CACNB1: variants seen among roughly 807,000 people sequenced by gnomAD.
CACNB1 encodes calcium voltage-gated channel auxiliary subunit beta 1.
A neutral mutation model predicts 71.6 loss-of-function variants in CACNB1; 29 were observed. The ratio of observed to expected loss-of-function variants is 0.40; its 90% confidence interval spans 0.30 to 0.55. The LOEUF (loss-of-function observed/expected upper bound fraction) is 0.55, where lower values mean the gene tolerates loss of function less well. Ranked by LOEUF, CACNB1 falls within the 20% of genes least tolerant of loss-of-function variation. CACNB1 has a pLI of 0.38. For synonymous variants in CACNB1, 300 were observed against 319.6 expected, an observed-to-expected ratio of 0.94 and a Z score of 0.65; for missense variants, 623 against 801.8, an observed-to-expected ratio of 0.78 and a Z score of 2.69.
At chr17:39,188,177 G>C (rs2045985629) in intron 3 of CACNB1, among the ~76,000 whole-genome samples, 2 of 152,156 alleles carry the variant, frequency 1.3e-5, no homozygotes, top group South Asian at 4.1e-4. Flanking sequence ...CAGCTACTCA[G>C]GGGGCTGAGG....
chr17:39,190,781 G>C (rs1217494212), intron 3 of CACNB1, among the ~76,000 whole-genome samples: 1 of 151,918 alleles, frequency 6.6e-6, no homozygotes, highest in East Asian at 1.9e-4. Context: ...TAGTGTTCCA[G>C]GTACCATGTT....
At chr17:39,191,856 C>T (rs2144168321) in intron 2 of CACNB1, 1 of 472,242 alleles carries the variant, frequency 2.1e-6, no homozygotes, top group Non-Finnish European at 3.7e-6. Flanking sequence ...TGCTTGGGGC[C>T]CAGGGAGGGG....
At position 39,186,831 on chromosome 17, in the gene CACNB1, C is replaced by T; in HGVS notation, c.513G>A (p.Leu171=). 6.2e-7 allele frequency: 1 copy of T among 1,614,120 alleles called. No homozygotes were observed. The highest frequency in any genetic ancestry group is 1.3e-5 in the African/African-American group (1 of 75,046). The change falls in exon 5 of 14, where the codon CTG becomes CTA. Residue 171 remains leucine, a synonymous_variant. Coordinates refer to ENST00000394303, the MANE Select transcript of CACNB1 (RefSeq NM_000723.5). The surrounding 1 kb of genome is among the most constrained non-coding windows in gnomAD (Gnocchi z 4.1). ...GGTTCTGGCGCAGCTTCTGTTCCTG[C>T]AGCAGGCGAAGGCTGTCCAGTTTGA... is the stretch of plus-strand genomic sequence containing the variant. ...SPVKLDSLRL[L]QEQKLRQNRL...
rs554235611 is a variant in CACNB1, at chr17:39,175,272, C to A, written c.1718G>T (p.Cys573Phe). 1.9e-6 allele frequency: 3 copies of A among 1,614,076 alleles called. No homozygotes were observed. Among genetic ancestry groups the A allele is most frequent in the Non-Finnish European group, 1.7e-6 (2 of 1,180,042 alleles). ...CAAAACTGGACCCCCACCCTCAGCG[C>A]AGTAGCGGGCCTTATTCCGGCCCCG... is the stretch of plus-strand genomic sequence containing the variant. ...RNRGRNKARYCAEGGGPVLGR... is the reference protein window; with the variant it reads ...RNRGRNKARYFAEGGGPVLGR... The change falls in exon 14 of 14, where the codon TGC becomes TTC. Residue 573 changes from cysteine (C) to phenylalanine (F), a missense_variant. Coordinates refer to ENST00000394303, the MANE Select transcript of CACNB1 (RefSeq NM_000723.5). This position sits in a 1 kb window ranked among gnomAD's most constrained non-coding sequence, Gnocchi z 4.7.
intron 3 of CACNB1, among the ~76,000 whole-genome samples, chr17:39,187,900 C>A (rs1044259573): frequency 8.5e-5 from 13 of 152,050 alleles, no homozygotes; most frequent in African/African-American, 2.4e-4. Context: ...ATAATCCCAG[C>A]TACTCAGGAG....
intron 2 of CACNB1, chr17:39,193,267 T>C: frequency 6.5e-6 from 2 of 305,360 alleles, no homozygotes; most frequent in South Asian, 4.9e-5. Flanking sequence ...CATGTAGGCA[T>C]GCGCACACAT....
rs941285587 is a variant in CACNB1, at chr17:39,191,402, G to A, written c.291+72C>T. On this transcript the variant is annotated intron_variant, in intron 3 of 13. Transcript: ENST00000394303. ...TGGGTCAAGACTTGGCCCTGGTTCTGTCTGGGCTCTCTCTACAGCCCAGGA... is the reference window on the plus strand; with the variant it reads ...TGGGTCAAGACTTGGCCCTGGTTCTATCTGGGCTCTCTCTACAGCCCAGGA... 1.6e-5 allele frequency: 24 copies of A among 1,472,416 alleles called. No homozygotes were observed. The African/African-American group carries it at 3.0e-4, about 18-fold the overall frequency. 91.2% of individuals were successfully genotyped at this position (1,472,416 alleles called of 1,614,324 possible).
Position 39,186,144 on chromosome 17 carries a change from G to T in CACNB1, c.628+352C>A. 6.3e-7 allele frequency: 1 copy of T among 1,583,314 alleles called. No individual in the cohort carries two copies. The highest frequency in any genetic ancestry group is 8.7e-7 in the Non-Finnish European group (1 of 1,154,224). On this transcript the variant is annotated intron_variant, in intron 6 of 13. Transcript: ENST00000394303. The surrounding 1 kb of genome is among the most constrained non-coding windows in gnomAD (Gnocchi z 4.1). ...CAGGAGAGAGGGAGGAGGGAGGCGA[G>T]GTGGGGAGAAGGAGTGAGATGAACG...
chr17:39,177,577 G>A (rs1275426025), intron 12 of CACNB1, 42 bp from the exon 13 acceptor site: 1 of 1,514,140 alleles, frequency 6.6e-7, no homozygotes, highest in African/African-American at 1.4e-5. Flanking sequence ...GATGAGTGGG[G>A]CATGGCCAAG....
chr17:39,175,172 C>A lies in CACNB1; in HGVS notation c.*21G>T. ...TCCCCTGGGCTCAGAGCCCTTCCTC[C>A]CGCCGTGTGGCCCCTGCCTCTCAGC... On this transcript the variant is annotated 3_prime_UTR_variant, in exon 14 of 14. Transcript: ENST00000394303. This position sits in a 1 kb window ranked among gnomAD's most constrained non-coding sequence, Gnocchi z 4.7. 2 of 1,582,160 alleles carry A rather than the reference C, an allele frequency of 1.3e-6. No homozygotes were observed. The highest frequency in any genetic ancestry group is 2.3e-5 in the South Asian group (2 of 87,564).
chr17:39,180,331 G>A (rs1430928359), intron 11 of CACNB1, among the ~76,000 whole-genome samples: 3 of 151,584 alleles, frequency 2.0e-5, no homozygotes, highest in Non-Finnish European at 2.9e-5. Context: ...TTGCATCATG[G>A]TTGTGTAAGA....
At chr17:39,181,555 C>T (rs1567796238) in intron 11 of CACNB1, among the ~76,000 whole-genome samples, 1 of 152,200 alleles carries the variant, frequency 6.6e-6, no homozygotes, top group Non-Finnish European at 1.5e-5. Context: ...GTCCAGGCTG[C>T]CTGGTTCCAG....
At chr17:39,192,021 G>C (rs902117056) in intron 2 of CACNB1, 2 of 214,646 alleles carry the variant, frequency 9.3e-6, no homozygotes, top group African/African-American at 4.8e-5. Flanking sequence ...ACCAGCTTCG[G>C]CCTGAGCTCT....
chr17:39,185,044 G>A (rs924251962), intron 7 of CACNB1, 87 bp downstream of exon 7: 19 of 1,249,508 alleles, frequency 1.5e-5, no homozygotes, highest in Non-Finnish European at 2.1e-5. Flanking sequence ...GGGGAAATGG[G>A]GGACAGATGT....
chr17:39,187,454 C>A, intron 4 of CACNB1, 25 bp downstream of exon 4: 1 of 1,613,234 alleles, frequency 6.2e-7, no homozygotes, highest in Non-Finnish European at 8.5e-7. Context: ...GCACCCACTT[C>A]CCTGCCCTCC....
Position 39,175,680 on chromosome 17 carries a change from ACAC to A in CACNB1, c.1333-26_1333-24del, listed in dbSNP as rs1415858157. ...TCCCTGGTTAGCAGACGGACAGCAC[ACAC>A]CATGCAGATCAGGCAGGGGTGAGAA... On this transcript the variant is annotated intron_variant, in intron 13 of 13. Transcript: ENST00000394303. The surrounding 1 kb of genome is among the most constrained non-coding windows in gnomAD (Gnocchi z 4.7). 6.0e-6 allele frequency: 9 copies of A among 1,507,928 alleles called. No homozygotes were observed. The highest frequency in any genetic ancestry group is 8.1e-6 in the Non-Finnish European group (9 of 1,117,730). The allele number at this position is 1,507,928 out of a possible 1,614,324, so 93.4% of individuals were successfully genotyped here.
intron 11 of CACNB1, 35 bp from the exon 12 acceptor site, chr17:39,178,114 G>A: frequency 6.6e-7 from 1 of 1,525,106 alleles, no homozygotes; most frequent in Non-Finnish European, 9.1e-7. Flanking sequence ...AGAGGAGCTA[G>A]AGGGACTCAG....
Position 39,175,177 on chromosome 17 carries a change from G to C in CACNB1, c.*16C>G. ...TGGGCTCAGAGCCCTTCCTCCCGCC[G>C]TGTGGCCCCTGCCTCTCAGCGAATG... On this transcript the variant is annotated 3_prime_UTR_variant, in exon 14 of 14. Coordinates refer to ENST00000394303, the MANE Select transcript of CACNB1 (RefSeq NM_000723.5). The surrounding 1 kb of genome is among the most constrained non-coding windows in gnomAD (Gnocchi z 4.7). 3 of 1,588,002 alleles carry C rather than the reference G, an allele frequency of 1.9e-6. No homozygotes were observed. Among genetic ancestry groups the C allele is most frequent in the Non-Finnish European group, 1.7e-6 (2 of 1,162,276 alleles).
intron 11 of CACNB1, among the ~76,000 whole-genome samples, chr17:39,179,416 G>T (rs894476543): frequency 6.6e-6 from 1 of 150,524 alleles, no homozygotes; most frequent in African/African-American, 2.4e-5. Flanking sequence ...GTGAAACCCC[G>T]TCTCTACTAA....
Sources: gnomAD v4.1 joint callset for allele counts (sites outside exome capture counted in the v4.1 genomes callset) on GRCh38, gnomAD v4.1.1 for gene constraint, Gnocchi (gnomAD v3.1) non-coding constraint, MANE v1.5 for transcripts, NCBI Gene and HGNC (gene_info 2026-07-23, HGNC 2026-07-21) for gene names.